CUX1: variants seen among roughly 807,000 people sequenced by gnomAD.
CUX1 encodes the protein protein CASP.
CUX1 carries 31 observed loss-of-function variants against 158.8 expected under a neutral mutation model. The observed-to-expected ratio is 0.20, with a 90% CI of 0.15 to 0.26. The LOEUF (loss-of-function observed/expected upper bound fraction) is 0.26, where lower values mean the gene tolerates loss of function less well. Among genes scored for constraint, CUX1 ranks in the 10% least tolerant of loss-of-function variants. CUX1 has a pLI of 1.00. For synonymous variants in CUX1, 879 were observed against 862.1 expected (o/e 1.02, Z -0.34); for missense variants, 1,589 against 2,014.6 (o/e 0.79, Z 4.04).
chr7:101,877,756 TTGTGTGTGTGTGTGTGTGTGTGTGTG>T (rs112494807), intron 1 of CUX1, among the ~76,000 whole-genome samples: 5 of 148,830 alleles, frequency 3.4e-5, no homozygotes, highest in African/African-American at 5.0e-5. Context: ...ATCCCTCCAA[TTGTGTGTGTGTGTGTGTGTGTGTGTG>T]TGTGTGTGTG....
intron 5 of CUX1, among the ~76,000 whole-genome samples, chr7:102,100,491 T>C (rs1829659576): frequency 6.6e-6 from 1 of 152,240 alleles, no homozygotes; most frequent in Non-Finnish European, 1.5e-5. Flanking sequence ...TGCTACTTAT[T>C]CAGCAGTGTG....
upstream of CUX1, chr7:101,816,921 C>A: frequency 1.0e-6 from 1 of 981,714 alleles, no homozygotes; most frequent in Non-Finnish European, 1.2e-6. Context: ...CCGGCGCGGA[C>A]CCCCGGGTTT....
chr7:101,908,690 C>T (rs940998618), intron 1 of CUX1, among the ~76,000 whole-genome samples: 1 of 152,160 alleles, frequency 6.6e-6, no homozygotes, highest in East Asian at 1.9e-4. Flanking sequence ...ACCTGGCAGT[C>T]AGGGTTGACT....
At chr7:102,008,872 G>T (rs763994511) in intron 2 of CUX1, among the ~76,000 whole-genome samples, 1 of 152,144 alleles carries the variant, frequency 6.6e-6, no homozygotes, top group Non-Finnish European at 1.5e-5. Context: ...TTTCCTGGTG[G>T]GCACAGATGT....
chr7:102,091,009 C>T (rs994402863), intron 4 of CUX1, among the ~76,000 whole-genome samples: 15 of 152,182 alleles, frequency 9.9e-5, no homozygotes, highest in Admixed American at 7.9e-4. Flanking sequence ...CTGGCTCATA[C>T]TGCAGACCAT....
chr7:101,848,051 C>CAAAAAAAAAA (rs57428019), intron 1 of CUX1, among the ~76,000 whole-genome samples: 8 of 65,368 alleles, frequency 1.2e-4, no homozygotes, highest in Non-Finnish European at 1.6e-4. Flanking sequence ...GAGCAAGACT[C>CAAAAAAAAAA]AAAAAAAAAA....
intron 2 of CUX1, among the ~76,000 whole-genome samples, chr7:101,991,232 C>G (rs767060328): frequency 1.3e-5 from 2 of 152,160 alleles, no homozygotes; most frequent in African/African-American, 2.4e-5. Flanking sequence ...GTGTTTGAAA[C>G]GAAGCTTTGT....
In CUX1 at chr7:101,895,891, GTT is replaced by G. The variant is rs66481506; in HGVS notation, c.31-20215_31-20214del. On this transcript the variant is annotated intron_variant, in intron 1 of 23. Transcript: ENST00000292535. ...CACGTTTCCTTGTATCACCTGTAAA[GTT>G]TTTTTTTTGTTTTTGTTTTTTTTTT... Among the ~76,000 whole-genome samples, 71 of 112,714 alleles carry G rather than the reference GTT, an allele frequency of 6.3e-4. 1 individual carries two copies. Among genetic ancestry groups the G allele is most frequent in the Non-Finnish European group, 1.1e-3 (63 of 58,168 alleles). 73.9% of individuals were successfully genotyped at this position (112,714 alleles called of 152,430 possible). A position where few individuals can be genotyped will look rare whatever the true frequency, so the allele number is the denominator to read the frequency against.
At chr7:101,939,550 G>A (rs1052141678) in intron 2 of CUX1, among the ~76,000 whole-genome samples, 2 of 151,982 alleles carry the variant, frequency 1.3e-5, no homozygotes, top group Non-Finnish European at 2.9e-5. Flanking sequence ...GGAGGTTTTG[G>A]GCCAGGTGCA....
chr7:102,146,894 T>A (rs1554502220), intron 8 of CUX1, among the ~76,000 whole-genome samples: 2 of 152,162 alleles, frequency 1.3e-5, no homozygotes, highest in African/African-American at 4.8e-5. Flanking sequence ...CCACTGCGCC[T>A]GGCCTAAACT....
chr7:102,007,794 G>C (rs1353860443), intron 2 of CUX1, among the ~76,000 whole-genome samples: 2 of 151,572 alleles, frequency 1.3e-5, no homozygotes, highest in Non-Finnish European at 2.9e-5. Flanking sequence ...ACCCAGGCTG[G>C]AGTGCAGTGG....
At chr7:102,192,552 G>A (rs933698981) in intron 12 of CUX1, among the ~76,000 whole-genome samples, 1 of 152,130 alleles carries the variant, frequency 6.6e-6, no homozygotes, top group Admixed American at 6.6e-5. Flanking sequence ...TCAGCTGGGC[G>A]CAGTGGCTCA....
Position 102,248,358 on chromosome 7 carries a change from G to A in CUX1, c.3888-54G>A. 1 of 1,479,934 alleles carries A rather than the reference G, an allele frequency of 6.8e-7. No individual in the cohort carries two copies. Among genetic ancestry groups the A allele is most frequent in the Non-Finnish European group, 9.1e-7 (1 of 1,101,364 alleles). 91.7% of individuals were successfully genotyped at this position (1,479,934 alleles called of 1,614,324 possible). ...GGGGTCTGGCTGGGGTAGCACCAGA[G>A]GCCCTTTCCCCAGCAGCACCCCCCT... On this transcript the variant is annotated intron_variant, in intron 23 of 23. Coordinates refer to ENST00000292535, the MANE Select transcript of CUX1 (RefSeq NM_181552.4). This position sits in a 1 kb window ranked among gnomAD's most constrained non-coding sequence, Gnocchi z 5.8.
chr7:102,195,042 A>G (rs545939886), intron 13 of CUX1, among the ~76,000 whole-genome samples: 7 of 152,004 alleles, frequency 4.6e-5, no homozygotes, highest in Middle Eastern at 3.4e-3. Context: ...AAAAAATCAA[A>G]TCAAATAAAA....
chr7:102,280,184 C>A, intron 19 of CUX1: 1 of 1,108,466 alleles, frequency 9.0e-7, no homozygotes, highest in Non-Finnish European at 1.3e-6. Flanking sequence ...CCAGGGGTCC[C>A]CCCATCACTT....
rs187598649 is a variant in CUX1, at chr7:102,012,467, C to G, written c.142-15631C>G. ...CCTCCCAAAGTGCTAGGATTATAAG[C>G]GTGAGCCACTGTGCCTGGCCTTCAG... On this transcript the variant is annotated intron_variant, in intron 2 of 23. Coordinates refer to ENST00000292535, the MANE Select transcript of CUX1 (RefSeq NM_181552.4). Among the ~76,000 whole-genome samples the G allele has an allele frequency of 2.0e-4, 30 of 152,294 alleles. 1 individual carries two copies. In the East Asian group the frequency reaches 5.8e-3, roughly 29 times the overall value.
chr7:101,927,863 G>A (rs1489551705), intron 2 of CUX1, among the ~76,000 whole-genome samples: 3 of 152,184 alleles, frequency 2.0e-5, no homozygotes, highest in Non-Finnish European at 2.9e-5. Flanking sequence ...GAGCTGTTGC[G>A]GGGCTTGGCC....
chr7:101,822,762 G>C lies in CUX1; in HGVS notation c.30+5093G>C, dbSNP rs138479688. ...CTAAAAATACAAAAATTAGCCTGGCGTGGTGGCGCATATCCATAATCCCAG... is the reference window on the plus strand; with the variant it reads ...CTAAAAATACAAAAATTAGCCTGGCCTGGTGGCGCATATCCATAATCCCAG... On this transcript the variant is annotated intron_variant, in intron 1 of 23. Coordinates refer to ENST00000292535, the MANE Select transcript of CUX1 (RefSeq NM_181552.4). Among the ~76,000 whole-genome samples the C allele has an allele frequency of 2.7e-4, 41 of 152,190 alleles. 1 individual carries two copies. The highest frequency in any genetic ancestry group is 9.6e-4 in the African/African-American group (40 of 41,528).
intron 8 of CUX1, among the ~76,000 whole-genome samples, chr7:102,125,177 A>C (rs1314381939): frequency 1.3e-5 from 2 of 151,826 alleles, no homozygotes; most frequent in Non-Finnish European, 2.9e-5. Context: ...CTCTCCAGGA[A>C]CTCTTGAGCC....
Sources: gnomAD v4.1 joint callset for allele counts (sites outside exome capture counted in the v4.1 genomes callset) on GRCh38, gnomAD v4.1.1 for gene constraint, Gnocchi (gnomAD v3.1) non-coding constraint, MANE v1.5 for transcripts, NCBI Gene and HGNC (gene_info 2026-07-23, HGNC 2026-07-21) for gene names.